Variants in TP53I13 observed in about 807,000 individuals in gnomAD.
The protein encoded by TP53I13 is tumor protein p53-inducible protein 13.
In TP53I13, 27 loss-of-function variants were observed where a neutral mutation model predicts 39.1. The observed-to-expected ratio is 0.69, with a 90% CI of 0.51 to 0.95. The LOEUF is 0.95. TP53I13 is among the 40% of genes least tolerant of loss of function. TP53I13 has a pLI of 0.00. For missense variants in TP53I13, 544 were observed against 520.4 expected (o/e 1.05, Z -0.44); for synonymous variants, 230 against 224.6 (o/e 1.02, Z -0.22).
chr17:29,572,136 C>T lies in TP53I13; in HGVS notation c.514-6C>T, dbSNP rs772567922. ...GCAGGGTGATTGCTCTCTCTCCTCT[C>T]CTTAGGCCCTGGCTCTGGCCTTTGC... On this transcript the variant is annotated splice_region_variant and splice_polypyrimidine_tract_variant and intron_variant, in intron 5 of 6. Coordinates refer to ENST00000301057, the MANE Select transcript of TP53I13 (RefSeq NM_138349.4). 6.2e-6 allele frequency: 10 copies of T among 1,609,184 alleles called. No individual in the cohort carries two copies. The Admixed American group carries it at 1.5e-4, about 24-fold the overall frequency.
rs751500978 is a variant in TP53I13 at position 29,572,059 on chromosome 17, TGA to T, written c.513+7_513+8del. 8.1e-6 allele frequency: 13 copies of T among 1,612,938 alleles called. No homozygotes were observed. The East Asian group carries it at 2.7e-4, about 33-fold the overall frequency. ...CTGTGCCGAAGAGGGTGTGTGCAGG[TGA>T]GAGACGCTGGGCCCAGGCTTGTTGG... On this transcript the variant is annotated splice_donor_region_variant and intron_variant, in intron 5 of 6. Transcript: ENST00000301057.
chr17:29,578,814 G>A, the TP53I13 span: 2 of 1,607,614 alleles, frequency 1.2e-6, no homozygotes, highest in Non-Finnish European at 1.7e-6. Flanking sequence ...TGGGAGGAGA[G>A]GAGAGACCTG....
the TP53I13 span, chr17:29,581,958 C>T: frequency 2.9e-4 from 466 of 1,599,304 alleles, 4 homozygotes; most frequent in South Asian, 4.7e-3. The surrounding 1 kb of genome is among the most constrained non-coding windows in gnomAD (Gnocchi z 4.8). Flanking sequence ...CGGCCATTAA[C>T]ATCAGGGGAG....
At chr17:29,572,781 C>T in intron 6 of TP53I13, 31 bp from the exon 7 acceptor site, 5 of 1,527,488 alleles carry the variant, frequency 3.3e-6, no homozygotes, top group African/African-American at 1.4e-5. Context: ...CCTGCCCTCC[C>T]GCCCTTGACT....
rs1567762073 is a variant in TP53I13 at position 29,572,027 on chromosome 17, A to T, written c.483A>T (p.Arg161Ser). 2 of 1,613,156 alleles carry T rather than the reference A, an allele frequency of 1.2e-6. No homozygotes were observed. The highest frequency in any genetic ancestry group is 1.7e-6 in the Non-Finnish European group (2 of 1,180,008). The stretch of plus-strand genomic sequence containing the variant: ...CTCCCTCCGAGCCAACTCCCGGTAG[A>T]GGGAGGCTGTGCCGAAGAGGGTGTG... ...GPAPSEPTPG[R>S]GRLCRRGCVQ... is the part of the protein sequence containing the mutation. The change falls in exon 5 of 7, where the codon AGA becomes AGT. Residue 161 changes from arginine to serine, a missense_variant. By Grantham distance (110) the Arg-to-Ser change is moderately radical. Transcript: ENST00000301057.
At chr17:29,567,030 C>A, upstream of TP53I13, 1 of 1,214,926 alleles carries the variant, frequency 8.2e-7, no homozygotes, top group Non-Finnish European at 1.0e-6. This position sits in a 1 kb window ranked among gnomAD's most constrained non-coding sequence, Gnocchi z 6.6. Context: ...GAGCTCCGCG[C>A]TTTGCCCGCG....
downstream of TP53I13, chr17:29,575,509 A>G: frequency 6.3e-7 from 1 of 1,582,264 alleles, no homozygotes; most frequent in Non-Finnish European, 8.6e-7. This position sits in a 1 kb window ranked among gnomAD's most constrained non-coding sequence, Gnocchi z 5.5. Flanking sequence ...AAAGATACAT[A>G]TAGAGAAAGA....
intron 6 of TP53I13, 36 bp downstream of exon 6, chr17:29,572,733 C>A: frequency 6.7e-7 from 1 of 1,495,324 alleles, no homozygotes. Flanking sequence ...CCGAGGCCCC[C>A]GCCCCACCTC....
chr17:29,581,823 G>A, the TP53I13 span: 4 of 1,612,590 alleles, frequency 2.5e-6, no homozygotes, highest in Non-Finnish European at 3.4e-6. This position sits in a 1 kb window ranked among gnomAD's most constrained non-coding sequence, Gnocchi z 4.8. Context: ...GCCAGCTCAT[G>A]GTGCCCCGCC....
rs748716214 is a variant in TP53I13, at chr17:29,572,134, C to T, written c.514-8C>T. 1 of 1,608,670 alleles carries T rather than the reference C, an allele frequency of 6.2e-7. No homozygotes were observed. The highest frequency in any genetic ancestry group is 8.5e-7 in the Non-Finnish European group (1 of 1,176,912). On this transcript the variant is annotated splice_region_variant and splice_polypyrimidine_tract_variant and intron_variant, in intron 5 of 6. Transcript: ENST00000301057. The stretch of plus-strand genomic sequence containing the variant: ...CAGCAGGGTGATTGCTCTCTCTCCT[C>T]TCCTTAGGCCCTGGCTCTGGCCTTT...
Position 29,572,865 on chromosome 17 carries a change from C to G in TP53I13, c.1123C>G (p.Arg375Gly). The G allele has an allele frequency of 1.3e-6, 2 of 1,523,156 alleles. No individual in the cohort carries two copies. The highest frequency in any genetic ancestry group is 1.8e-6 in the Non-Finnish European group (2 of 1,142,342). The allele number at this position is 1,523,156 out of a possible 1,614,324, so 94.4% of individuals were successfully genotyped here. ...QPSRRVKRSR[R>G]RPLLPPTPDS... is the part of the protein sequence containing the mutation. ...CTCGCGCCGGGTCAAGCGCTCGCGC[C>G]GGAGACCCCTCCTCCCGCCCACGCC... The change falls in exon 7 of 7, where the codon CGG becomes GGG. Residue 375 changes from arginine to glycine, a missense_variant. Arg to Gly is a moderately radical substitution (Grantham distance 125). Transcript: ENST00000301057.
chr17:29,576,075 T>C (rs1567768812), downstream of TP53I13: 1 of 1,613,456 alleles, frequency 6.2e-7, no homozygotes, highest in Non-Finnish European at 8.5e-7. Flanking sequence ...TCCCCAGGCT[T>C]ACCCGGTAAA....
upstream of TP53I13, chr17:29,566,691 C>T (rs769193193): frequency 6.3e-7 from 1 of 1,587,812 alleles, no homozygotes; most frequent in Non-Finnish European, 8.5e-7. Context: ...CGGCCTCCAG[C>T]GCCTCTGAGC....
At chr17:29,580,028 G>A in the TP53I13 span, among the ~76,000 whole-genome samples, 1 of 152,066 alleles carries the variant, frequency 6.6e-6, no homozygotes, top group African/African-American at 2.4e-5. Context: ...CCAGCCCGGG[G>A]GCTGCCTCCA....
rs762112079 is a variant in TP53I13 at position 29,572,087 on chromosome 17, C to G, written c.513+30C>G. 10 of 1,611,814 alleles carry G rather than the reference C, an allele frequency of 6.2e-6. No individual in the cohort carries two copies. In the Admixed American group the frequency reaches 1.7e-4, roughly 27 times the overall value. On this transcript the variant is annotated intron_variant, in intron 5 of 6. Coordinates refer to ENST00000301057, the MANE Select transcript of TP53I13 (RefSeq NM_138349.4). ...GAGACGCTGGGCCCAGGCTTGTTGGCCCTCGGGTTCTCTGAGAGGGGCAGC... is the reference window on the plus strand; with the variant it reads ...GAGACGCTGGGCCCAGGCTTGTTGGGCCTCGGGTTCTCTGAGAGGGGCAGC...
At chr17:29,578,848 C>T in the TP53I13 span, 1 of 1,566,858 alleles carries the variant, frequency 6.4e-7, no homozygotes, top group Non-Finnish European at 8.8e-7. Flanking sequence ...CCCATGCCAG[C>T]AACCTCCCCA....
intron 3 of TP53I13, among the ~76,000 whole-genome samples, chr17:29,570,161 C>G (rs1046615517): frequency 6.8e-6 from 1 of 146,392 alleles, no homozygotes; most frequent in African/African-American, 2.5e-5. Context: ...CCTGCCTCAG[C>G]CTCCCAAGTG....
At chr17:29,578,845 C>T in the TP53I13 span, 1 of 1,565,718 alleles carries the variant, frequency 6.4e-7, no homozygotes, top group African/African-American at 1.4e-5. Context: ...AGGCCCATGC[C>T]AGCAACCTCC....
At chr17:29,566,469 C>T (rs1217241017), upstream of TP53I13, 2 of 1,612,196 alleles carry the variant, frequency 1.2e-6, no homozygotes, top group East Asian at 2.2e-5. Context: ...GGCGACCCCA[C>T]GCATTGGGGA....
Sources: gnomAD v4.1 joint callset for allele counts (sites outside exome capture counted in the v4.1 genomes callset) on GRCh38, gnomAD v4.1.1 for gene constraint, Gnocchi (gnomAD v3.1) non-coding constraint, MANE v1.5 for transcripts, NCBI Gene and HGNC (gene_info 2026-07-23, HGNC 2026-07-21) for gene names.